Variants in CPA6 observed in about 807,000 individuals in gnomAD.
CPA6 encodes carboxypeptidase B.
Under a neutral mutation model 63.3 loss-of-function variants are expected in CPA6, and 58 were observed. That is an observed-to-expected ratio of 0.92 (90% confidence interval 0.74 to 1.14). The LOEUF is 1.14. CPA6 is among the 50% of genes most tolerant of loss of function. CPA6 has a pLI of 0.00. For synonymous variants in CPA6, 185 were observed against 179.0 expected (o/e 1.03, Z -0.27); for missense variants, 565 against 526.6 (o/e 1.07, Z -0.71).
chr8:67,538,507 C>A (rs1038740543), intron 2 of CPA6, among the ~76,000 whole-genome samples: 3 of 141,832 alleles, frequency 2.1e-5, no homozygotes, highest in African/African-American at 7.9e-5. Flanking sequence ...AGGATTGCAA[C>A]CCCTGTTTTT....
intron 2 of CPA6, among the ~76,000 whole-genome samples, chr8:67,520,391 G>A (rs1447887308): frequency 6.6e-6 from 1 of 152,112 alleles, no homozygotes; most frequent in African/African-American, 2.4e-5. Context: ...AAATGTGCTC[G>A]GAAAGCTGTT....
At chr8:67,476,085 G>A (rs942685611) in intron 8 of CPA6, among the ~76,000 whole-genome samples, 2 of 150,320 alleles carry the variant, frequency 1.3e-5, no homozygotes, top group Non-Finnish European at 2.9e-5. Flanking sequence ...TGCGATCTTG[G>A]CTCACGGCAA....
At chr8:67,485,797 C>G (rs1313805829) in intron 6 of CPA6, among the ~76,000 whole-genome samples, 1 of 152,180 alleles carries the variant, frequency 6.6e-6, no homozygotes, top group Non-Finnish European at 1.5e-5. Context: ...TCAGTAAACA[C>G]TCCTATCTGC....
chr8:67,446,852 C>G (rs560976890), intron 8 of CPA6, among the ~76,000 whole-genome samples: 19 of 152,238 alleles, frequency 1.2e-4, no homozygotes, highest in Admixed American at 3.3e-4. Context: ...ATGTTAAAAA[C>G]TGAGCGTAGT....
rs538046527 is a variant in CPA6, at chr8:67,707,374, TTC to T, written c.116+38638_116+38639del. ...TTCTTTTTCAAAGCCAAGAAAACTT[TTC>T]TTTTAAGCTATTTACAGCTTTTAAC... On this transcript the variant is annotated intron_variant, in intron 1 of 10. Transcript: ENST00000297770. Among the ~76,000 whole-genome samples the T allele has an allele frequency of 2.0e-3, 302 of 152,342 alleles. 3 individuals carry two copies. Among genetic ancestry groups the T allele is most frequent in the South Asian group, 0.012 (56 of 4,834 alleles).
chr8:67,590,455 G>A (rs1285671342), intron 2 of CPA6, among the ~76,000 whole-genome samples: 1 of 151,504 alleles, frequency 6.6e-6, no homozygotes, highest in Non-Finnish European at 1.5e-5. Flanking sequence ...GATCCCTGAG[G>A]AATCGCCACA....
chr8:67,715,877 G>A (rs1167601396), intron 1 of CPA6, among the ~76,000 whole-genome samples: 1 of 152,140 alleles, frequency 6.6e-6, no homozygotes, highest in Non-Finnish European at 1.5e-5. Context: ...CAGTGGGCAG[G>A]GCGCGGTGGC....
intron 1 of CPA6, among the ~76,000 whole-genome samples, chr8:67,742,787 G>T (rs1029870463): frequency 6.6e-6 from 1 of 152,092 alleles, no homozygotes; most frequent in African/African-American, 2.4e-5. Flanking sequence ...TGAGACCCAG[G>T]CAGTTAAACT....
Position 67,640,640 on chromosome 8 carries a change from C to T in CPA6, c.117-16389G>A, listed in dbSNP as rs941654607. On this transcript the variant is annotated intron_variant, in intron 1 of 10. Coordinates refer to ENST00000297770, the MANE Select transcript of CPA6 (RefSeq NM_020361.5). ...CCTGGCTCCCAGGAGCGCAGGGGTG[C>T]CTGGGTCTCAGCCTCAGCTTGGGAA... is the stretch of plus-strand genomic sequence containing the variant. 4.6e-5 allele frequency among the ~76,000 whole-genome samples: 7 copies of T among 151,300 alleles called. 1 individual carries two copies. Among genetic ancestry groups the T allele is most frequent in the African/African-American group, 1.7e-4 (7 of 40,692 alleles).
rs368736137 is a variant in CPA6, at chr8:67,746,032, T to C, written c.98A>G (p.Tyr33Cys). The change falls in exon 1 of 11, where the codon TAT (tyrosine) becomes TGT (cysteine). Residue 33 changes from tyrosine (Y) to cysteine (C), a missense_variant. Tyr to Cys is a radical substitution (Grantham distance 194). Coordinates refer to ENST00000297770, the MANE Select transcript of CPA6 (RefSeq NM_020361.5). The stretch of plus-strand genomic sequence containing the variant: ...CACTTACCCAGCATAGCGGTTGTTA[T>C]AAAGGTGGCTGTGCCCCGGTTGCAG... ...KILQPGHSHLYNNRYAGDKVI... is the reference protein window; with the variant it reads ...KILQPGHSHLCNNRYAGDKVI... 9.8e-5 allele frequency: 158 copies of C among 1,613,398 alleles called. No homozygotes were observed. The South Asian group carries it at 1.3e-3, about 13-fold the overall frequency.
rs1450353409 is a variant in CPA6, at chr8:67,484,708, C to T, written c.718G>A (p.Val240Ile). The T allele has an allele frequency of 1.1e-5, 18 of 1,604,450 alleles. No individual in the cohort carries two copies. Among genetic ancestry groups the T allele is most frequent in the Non-Finnish European group, 1.5e-5 (18 of 1,171,768 alleles). ...GTCCAACTAAAATGGTATCCATCGACGTTAAACACAGGCATGATATAGAAA... is the reference window on the plus strand; with the variant it reads ...GTCCAACTAAAATGGTATCCATCGATGTTAAACACAGGCATGATATAGAAA... ...LYFYIMPVFN[V>I]DGYHFSWTND... Residue 240 changes from valine to isoleucine, a missense_variant, in exon 7 of 11, where the codon GTC becomes ATC. Physicochemically the swap from Val to Ile is conservative, Grantham distance 29 (BLOSUM62 3). Coordinates refer to ENST00000297770, the MANE Select transcript of CPA6 (RefSeq NM_020361.5).
At chr8:67,655,414 A>T (rs1266264482) in intron 1 of CPA6, among the ~76,000 whole-genome samples, 1 of 152,138 alleles carries the variant, frequency 6.6e-6, no homozygotes, top group Non-Finnish European at 1.5e-5. Context: ...GTGACGTACA[A>T]AACTTAGGAA....
chr8:67,538,435 C>A (rs1271173015), intron 2 of CPA6, among the ~76,000 whole-genome samples: 1 of 150,914 alleles, frequency 6.6e-6, no homozygotes, highest in African/African-American at 2.4e-5. Flanking sequence ...TTTATCATTA[C>A]GTGATGCCCA....
intron 1 of CPA6, among the ~76,000 whole-genome samples, chr8:67,707,273 G>A (rs1184180745): frequency 6.6e-6 from 1 of 152,194 alleles, no homozygotes; most frequent in African/African-American, 2.4e-5. Flanking sequence ...AAGAAGAACA[G>A]GAGTTAACCG....
chr8:67,543,521 A>G (rs1236881042), intron 2 of CPA6, among the ~76,000 whole-genome samples: 1 of 152,208 alleles, frequency 6.6e-6, no homozygotes, highest in East Asian at 1.9e-4. Flanking sequence ...AAACTACACA[A>G]AAATAGCAAT....
At chr8:67,702,028 T>G (rs899915280) in intron 1 of CPA6, among the ~76,000 whole-genome samples, 2 of 152,062 alleles carry the variant, frequency 1.3e-5, no homozygotes, top group Non-Finnish European at 2.9e-5. Flanking sequence ...AAGTGTTTGT[T>G]AAACTGCCTC....
At chr8:67,471,074 C>G (rs1304364592) in intron 8 of CPA6, among the ~76,000 whole-genome samples, 1 of 152,124 alleles carries the variant, frequency 6.6e-6, no homozygotes, top group African/African-American at 2.4e-5. Flanking sequence ...TGCCTCTGAC[C>G]ACTTCTGCCT....
chr8:67,490,486 T>C (rs946611711), intron 6 of CPA6, among the ~76,000 whole-genome samples: 3 of 152,190 alleles, frequency 2.0e-5, no homozygotes, highest in African/African-American at 7.2e-5. Context: ...GGTCCCTAGG[T>C]ACTGCATCAC....
At chr8:67,483,697 T>C in intron 8 of CPA6, 71 bp downstream of exon 8, 2 of 1,226,658 alleles carry the variant, frequency 1.6e-6, no homozygotes, top group Non-Finnish European at 2.4e-6. Context: ...GAGAGTCCTC[T>C]GGACTCATAT....
Sources: gnomAD v4.1 joint callset for allele counts (sites outside exome capture counted in the v4.1 genomes callset) on GRCh38, gnomAD v4.1.1 for gene constraint, MANE v1.5 for transcripts, NCBI Gene and HGNC (gene_info 2026-07-23, HGNC 2026-07-21) for gene names.